The following EPB41L4A variants were observed in gnomAD, a reference collection of about 807,000 sequenced individuals.
The protein encoded by EPB41L4A is erythrocyte membrane protein band 4.1 like 4A.
EPB41L4A carries 100 observed loss-of-function variants against 108.6 expected under a neutral mutation model. That is an observed-to-expected ratio of 0.92 (90% confidence interval 0.78 to 1.09). The LOEUF is 1.09. EPB41L4A is among the 50% of genes least tolerant of loss of function. The pLI is 0.00. For missense variants in EPB41L4A, 1,030 were observed against 842.7 expected, an observed-to-expected ratio of 1.22 and a Z score of -2.75; for synonymous variants, 319 against 289.0, an observed-to-expected ratio of 1.10 and a Z score of -1.05.
chr5:112,406,405 AACACTCAGTG>A (rs1176890014), intron 1 of EPB41L4A, among the ~76,000 whole-genome samples: 6 of 152,194 alleles, frequency 3.9e-5, no homozygotes, highest in African/African-American at 1.2e-4. Context: ...AGACCAAGGA[AACACTCAGTG>A]ACATAAGCTC....
intron 2 of EPB41L4A, among the ~76,000 whole-genome samples, chr5:112,288,444 A>T (rs1734082295): frequency 6.6e-6 from 1 of 152,184 alleles, no homozygotes; most frequent in South Asian, 2.1e-4. Flanking sequence ...CTCCACCGCA[A>T]ATACACACTA....
At chr5:112,201,529 T>C (rs1221098379) in intron 15 of EPB41L4A, among the ~76,000 whole-genome samples, 1 of 152,226 alleles carries the variant, frequency 6.6e-6, no homozygotes, top group Non-Finnish European at 1.5e-5. Flanking sequence ...TGTATTAAAA[T>C]GACTATCTGC....
chr5:112,250,981 T>C lies in EPB41L4A; in HGVS notation c.795+8248A>G, dbSNP rs951401771. ...GTAGGTTAAGTGTTGTTCAGTGAAC[T>C]GCCCACAGTTAGTGAGCAAGAGACC... is the stretch of plus-strand genomic sequence containing the variant. On this transcript the variant is annotated intron_variant, in intron 9 of 22. Coordinates refer to ENST00000261486, the MANE Select transcript of EPB41L4A (RefSeq NM_022140.5). 2.6e-5 allele frequency among the ~76,000 whole-genome samples: 4 copies of C among 152,300 alleles called. No individual in the cohort carries two copies. In the East Asian group the frequency reaches 7.7e-4, roughly 29 times the overall value.
At chr5:112,325,428 G>A (rs563981758) in intron 1 of EPB41L4A, among the ~76,000 whole-genome samples, 7 of 147,498 alleles carry the variant, frequency 4.7e-5, no homozygotes, top group Admixed American at 1.3e-4. Flanking sequence ...GTGACACTGC[G>A]AGACTCCGTC....
chr5:112,323,297 C>A (rs1755924431), intron 1 of EPB41L4A, among the ~76,000 whole-genome samples: 1 of 152,170 alleles, frequency 6.6e-6, no homozygotes, highest in African/African-American at 2.4e-5. Context: ...GGGCTCCCAG[C>A]AAGCTTAGGC....
At chr5:112,386,086 G>A (rs569093227) in intron 1 of EPB41L4A, among the ~76,000 whole-genome samples, 1 of 152,202 alleles carries the variant, frequency 6.6e-6, no homozygotes, top group Admixed American at 6.5e-5. Flanking sequence ...ATAATGGAAT[G>A]AAGTGATGCA....
chr5:112,238,296 C>T (rs1284737939), intron 11 of EPB41L4A, among the ~76,000 whole-genome samples: 3 of 152,102 alleles, frequency 2.0e-5, no homozygotes, highest in Non-Finnish European at 4.4e-5. Flanking sequence ...AATTGTATCA[C>T]TGTCTACAGA....
chr5:112,262,803 C>T lies in EPB41L4A; in HGVS notation c.555-222G>A, dbSNP rs1207323865. Among the ~76,000 whole-genome samples, 4 of 152,192 alleles carry T rather than the reference C, an allele frequency of 2.6e-5. No individual in the cohort carries two copies. The East Asian group carries it at 7.7e-4, about 29-fold the overall frequency. On this transcript the variant is annotated intron_variant, in intron 6 of 22. Transcript: ENST00000261486. ...TTCATTTACCAAATCCATTCTGGCT[C>T]ATTATAGCCTATCCCCAATGTCCCA...
chr5:112,366,974 G>C (rs552125803), intron 1 of EPB41L4A, among the ~76,000 whole-genome samples: 72 of 152,306 alleles, frequency 4.7e-4, no homozygotes, highest in African/African-American at 1.6e-3. Context: ...CCACTGGTCA[G>C]AACAGAACTT....
intron 1 of EPB41L4A, among the ~76,000 whole-genome samples, chr5:112,315,969 T>G (rs1755403529): frequency 6.6e-6 from 1 of 152,228 alleles, no homozygotes; most frequent in Non-Finnish European, 1.5e-5. Flanking sequence ...TATTACATAT[T>G]TCTGGATTGT....
At chr5:112,220,695 G>C (rs1747982612) in intron 12 of EPB41L4A, among the ~76,000 whole-genome samples, 1 of 152,162 alleles carries the variant, frequency 6.6e-6, no homozygotes, top group Non-Finnish European at 1.5e-5. Context: ...TGAGAAAACA[G>C]CAGAAGCAAG....
intron 1 of EPB41L4A, among the ~76,000 whole-genome samples, chr5:112,349,458 G>A (rs944326836): frequency 8.5e-5 from 13 of 152,202 alleles, no homozygotes; most frequent in African/African-American, 3.1e-4. Flanking sequence ...CCGAGGAGGA[G>A]TGGGAAGACC....
chr5:112,222,304 A>G (rs1344473508), intron 12 of EPB41L4A, among the ~76,000 whole-genome samples: 1 of 152,180 alleles, frequency 6.6e-6, no homozygotes, highest in Non-Finnish European at 1.5e-5. Flanking sequence ...TTACTTTCCA[A>G]GCATGTACCA....
At chr5:112,191,237 A>C (rs1761683530) in intron 17 of EPB41L4A, among the ~76,000 whole-genome samples, 1 of 152,150 alleles carries the variant, frequency 6.6e-6, no homozygotes, top group Non-Finnish European at 1.5e-5. Context: ...AGGGTGAATT[A>C]CTCTGGTGTT....
At chr5:112,249,757 G>C (rs1182567956) in intron 9 of EPB41L4A, 1 of 152,110 alleles carries the variant, frequency 6.6e-6, no homozygotes. Context: ...GCTCCCCAAA[G>C]AGCATTTCTT....
Position 112,383,255 on chromosome 5 carries a change from G to A in EPB41L4A, c.99+35686C>T, listed in dbSNP as rs947759465. Among the ~76,000 whole-genome samples the A allele has an allele frequency of 3.9e-5, 6 of 152,282 alleles. No homozygotes were observed. The East Asian group carries it at 1.2e-3, about 29-fold the overall frequency. ...TAAGTGGAGCCAATAATGAAGTTTA[G>A]CAAAATAGAGAAATACAAGATAAAC... On this transcript the variant is annotated intron_variant, in intron 1 of 22. Coordinates refer to ENST00000261486, the MANE Select transcript of EPB41L4A (RefSeq NM_022140.5).
At chr5:112,363,686 T>C (rs534083986) in intron 1 of EPB41L4A, 27 of 152,296 alleles carry the variant, frequency 1.8e-4, no homozygotes, top group African/African-American at 3.6e-4. Flanking sequence ...TCCAGCTTCA[T>C]AGTGATGTCT....
At chr5:112,348,867 AC>A (rs1315939206) in intron 1 of EPB41L4A, among the ~76,000 whole-genome samples, 3 of 152,248 alleles carry the variant, frequency 2.0e-5, no homozygotes, top group African/African-American at 7.2e-5. Flanking sequence ...CACAATGTTG[AC>A]ACCAAATACT....
intron 17 of EPB41L4A, among the ~76,000 whole-genome samples, chr5:112,193,613 C>T (rs1383350182): frequency 6.6e-6 from 1 of 152,116 alleles, no homozygotes; most frequent in African/African-American, 2.4e-5. Flanking sequence ...CCTCATTTTT[C>T]AGAAGAGAAA....
Sources: allele counts gnomAD v4.1 joint callset (sites outside exome capture counted in the v4.1 genomes callset), GRCh38; gene constraint gnomAD v4.1.1; transcripts MANE v1.5; gene names NCBI Gene and HGNC (gene_info 2026-07-23, HGNC 2026-07-21).